Variants in DMD observed in about 807,000 individuals in gnomAD.
DMD encodes the protein mutant dystrophin.
DMD carries 63 observed loss-of-function variants against 330.1 expected under a neutral mutation model. The ratio of observed to expected loss-of-function variants is 0.19; its 90% confidence interval spans 0.16 to 0.24. DMD has a LOEUF of 0.24. Ranked by LOEUF, DMD falls within the 10% of genes least tolerant of loss-of-function variation. DMD has a pLI of 1.00. For missense variants in DMD, 3,344 were observed against 2,684.1 expected (o/e 1.25, Z -5.43); for synonymous variants, 1,223 against 959.8 (o/e 1.27, Z -5.07).
intron 25 of DMD, among the ~76,000 whole-genome samples, chrX:32,457,584 G>A (rs756175702): frequency 1.8e-5 from 2 of 110,686 alleles, no homozygotes; most frequent in South Asian, 7.8e-4. Flanking sequence ...TTAGACAAAA[G>A]CACAGAAAGT....
At chrX:31,140,975 G>C (rs925667264) in intron 76 of DMD, among the ~76,000 whole-genome samples, 2 of 111,267 alleles carry the variant, frequency 1.8e-5, no homozygotes, top group Non-Finnish European at 3.8e-5. Context: ...TGGATTGCTT[G>C]AGGTTGGGAG....
chrX:33,008,886 A>G (rs1207458421), intron 2 of DMD, among the ~76,000 whole-genome samples: 4 of 94,864 alleles, frequency 4.2e-5, no homozygotes, highest in African/African-American at 1.6e-4. Context: ...ATATGTATAT[A>G]TACGTGTATA....
At chrX:32,800,705 C>A (rs1170169519) in intron 7 of DMD, among the ~76,000 whole-genome samples, 1 of 110,344 alleles carries the variant, frequency 9.1e-6, no homozygotes, top group East Asian at 2.9e-4. Flanking sequence ...ACTCCCCTAG[C>A]CCCACACACC....
At position 32,856,326 on chromosome X, in the gene DMD, G is replaced by A. The variant is rs182567371; in HGVS notation, c.94-6506C>T. On this transcript the variant is annotated intron_variant, in intron 2 of 78. Coordinates refer to ENST00000357033, the MANE Select transcript of DMD (RefSeq NM_004006.3). ...CTGCCGGGTATATACCCAAAAGAAA[G>A]GAAATCAGTTTGTCAAAGAAATATC... 2.4e-3 allele frequency among the ~76,000 whole-genome samples: 264 copies of A among 111,936 alleles called. 2 individuals carry two copies. Among genetic ancestry groups the A allele is most frequent in the Middle Eastern group, 0.014 (3 of 219 alleles).
At chrX:31,723,138 C>A (rs1439105773) in intron 52 of DMD, among the ~76,000 whole-genome samples, 1 of 110,244 alleles carries the variant, frequency 9.1e-6, no homozygotes, top group East Asian at 2.9e-4. Context: ...GTGGTGCTAC[C>A]TCTTCTCAAA....
At chrX:32,010,665 C>T (rs12009402) in intron 44 of DMD, among the ~76,000 whole-genome samples, 5,823 of 111,564 alleles carry the variant, frequency 0.052, 278 homozygotes, top group East Asian at 0.26. Context: ...TCTTAGCTAA[C>T]ACTTACTCGG....
At chrX:31,243,628 T>C (rs1417706458) in intron 63 of DMD, among the ~76,000 whole-genome samples, 1 of 112,958 alleles carries the variant, frequency 8.9e-6, no homozygotes, top group Non-Finnish European at 1.9e-5. Flanking sequence ...AACAATGAGA[T>C]GGTTTAATTT....
At chrX:31,667,836 C>T (rs980350576) in intron 53 of DMD, among the ~76,000 whole-genome samples, 1 of 111,151 alleles carries the variant, frequency 9.0e-6, no homozygotes, top group African/African-American at 3.3e-5. Flanking sequence ...AAAATATTTC[C>T]AGGAACTTCC....
At chrX:32,484,170 T>C (rs763809938) in intron 21 of DMD, among the ~76,000 whole-genome samples, 7 of 111,509 alleles carry the variant, frequency 6.3e-5, no homozygotes, top group African/African-American at 9.7e-5. Flanking sequence ...TATGCATGTA[T>C]ATAGTGAATC....
At chrX:32,987,218 G>A (rs1408953832) in intron 2 of DMD, among the ~76,000 whole-genome samples, 8 of 111,981 alleles carry the variant, frequency 7.1e-5, no homozygotes, top group Non-Finnish European at 1.1e-4. Context: ...TGATCTAGCA[G>A]GACTGTGACA....
intron 55 of DMD, among the ~76,000 whole-genome samples, chrX:31,615,279 G>C (rs2078138281): frequency 8.9e-6 from 1 of 111,920 alleles, no homozygotes; most frequent in Non-Finnish European, 1.9e-5. Context: ...GGAGATCAAA[G>C]AAAGTTGGCA....
chrX:31,569,641 T>TATATAC (rs771071830), intron 55 of DMD, among the ~76,000 whole-genome samples: 1 of 82,864 alleles, frequency 1.2e-5, no homozygotes, highest in Non-Finnish European at 2.5e-5. Context: ...CGTATATATA[T>TATATAC]GTATATACGT....
At chrX:32,479,064 T>C (rs776262605) in intron 21 of DMD, among the ~76,000 whole-genome samples, 3 of 111,564 alleles carry the variant, frequency 2.7e-5, no homozygotes, top group Non-Finnish European at 5.7e-5. Context: ...TAAGAGTTTT[T>C]TTCTTTTGCT....
At chrX:32,134,415 A>T (rs1172130931) in intron 44 of DMD, among the ~76,000 whole-genome samples, 3 of 111,589 alleles carry the variant, frequency 2.7e-5, no homozygotes, top group African/African-American at 9.8e-5. Context: ...AAGTGGGTTC[A>T]TGTAGATAGA....
In DMD at chrX:31,268,985, A is replaced by G. The variant is rs202051196; in HGVS notation, c.9225-7969T>C. 2.2e-4 allele frequency among the ~76,000 whole-genome samples: 25 copies of G among 112,176 alleles called. No individual in the cohort carries two copies. The East Asian group carries it at 6.4e-3, about 29-fold the overall frequency. On this transcript the variant is annotated intron_variant, in intron 62 of 78. Transcript: ENST00000357033. The stretch of plus-strand genomic sequence containing the variant: ...TAAGAATAATCTGTTGACAAGAAAA[A>G]AGAATGGAATAAGAAATCACTATTC...
intron 19 of DMD, among the ~76,000 whole-genome samples, chrX:32,497,352 G>T (rs2043599810): frequency 8.9e-6 from 1 of 111,816 alleles, no homozygotes; most frequent in Non-Finnish European, 1.9e-5. Context: ...ATGTTCTTTA[G>T]TCTAATATAC....
intron 17 of DMD, among the ~76,000 whole-genome samples, chrX:32,528,971 G>C (rs945880392): frequency 9.9e-6 from 1 of 101,209 alleles, no homozygotes; most frequent in Non-Finnish European, 2.0e-5. Flanking sequence ...GCCCAAGCTG[G>C]AGTGCAGTGA....
chrX:32,266,214 C>A (rs1181215842), intron 43 of DMD, among the ~76,000 whole-genome samples: 1 of 111,219 alleles, frequency 9.0e-6, no homozygotes, highest in Non-Finnish European at 1.9e-5. Context: ...AGGGGCTTTT[C>A]CCCCTTTGCT....
At chrX:32,730,664 T>G (rs2067476588) in intron 7 of DMD, among the ~76,000 whole-genome samples, 1 of 112,159 alleles carries the variant, frequency 8.9e-6, no homozygotes, top group Non-Finnish European at 1.9e-5. Context: ...TAGTAACTAC[T>G]GAGTTTGGAA....
Sources: gnomAD v4.1 joint callset for allele counts (sites outside exome capture counted in the v4.1 genomes callset) on GRCh38, gnomAD v4.1.1 for gene constraint, MANE v1.5 for transcripts, NCBI Gene and HGNC (gene_info 2026-07-23, HGNC 2026-07-21) for gene names.